Variants in SOAT1 observed in about 807,000 individuals in gnomAD.
The protein encoded by SOAT1 is sterol O-acyltransferase 1, also known as acyl-coenzyme A:cholesterol acyltransferase 1.
Under a neutral mutation model 69.5 loss-of-function variants are expected in SOAT1, and 55 were observed. That is an observed-to-expected ratio of 0.79 (90% CI 0.64 to 0.99). The LOEUF is 0.99. Ranked by LOEUF, SOAT1 falls within the 50% of genes least tolerant of loss-of-function variation. SOAT1 has a pLI of 0.00. For synonymous variants in SOAT1, 231 were observed against 224.7 expected, an observed-to-expected ratio of 1.03 and a Z score of -0.25; for missense variants, 580 against 669.3, an observed-to-expected ratio of 0.87 and a Z score of 1.47.
chr1:179,347,031 T>C (rs1666555214), intron 11 of SOAT1, among the ~76,000 whole-genome samples: 1 of 152,118 alleles, frequency 6.6e-6, no homozygotes, highest in African/African-American at 2.4e-5. Context: ...CCTTGGGTAC[T>C]AAGTTAAGCC....
At position 179,356,846 on chromosome 1, in the gene SOAT1, A is replaced by C. The variant is rs1666923769; in HGVS notation, c.*3205A>C. On this transcript the variant is annotated 3_prime_UTR_variant, in exon 16 of 16. Transcript: ENST00000367619. ...AAGTGCCTACCACCACACCCAGCTA[A>C]TTTATTTGTTTTTTTTTTTTTAGAG... 2 of 128,610 alleles carry C rather than the reference A, an allele frequency of 1.6e-5. No homozygotes were observed. The highest frequency in any genetic ancestry group is 1.6e-4 in the Admixed American group (2 of 12,390). 8.0% of individuals were successfully genotyped at this position (128,610 alleles called of 1,614,324 possible).
intron 3 of SOAT1, among the ~76,000 whole-genome samples, chr1:179,327,326 T>C (rs1665827382): frequency 6.6e-6 from 1 of 152,212 alleles, no homozygotes; most frequent in African/African-American, 2.4e-5. Context: ...ATTTGTGTCA[T>C]GTTCCTCCCA....
In SOAT1 at chr1:179,358,261, G is replaced by T. The variant is rs1666971282; in HGVS notation, c.*4620G>T. 1 of 152,090 alleles carries T rather than the reference G, an allele frequency of 6.6e-6. No homozygotes were observed. Among genetic ancestry groups the T allele is most frequent in the African/African-American group, 2.4e-5 (1 of 41,414 alleles). The allele number at this position is 152,090 out of a possible 1,614,324, so 9.4% of individuals were successfully genotyped here. ...AAGTTTAAAAAACTCTAAAACTTCT[G>T]TACTGTTTTTTTCTTAAGTGCTCTC... On this transcript the variant is annotated 3_prime_UTR_variant, in exon 16 of 16. Transcript: ENST00000367619.
Position 179,353,654 on chromosome 1 carries a change from T to C in SOAT1, c.*13T>C. 6.2e-7 allele frequency: 1 copy of C among 1,608,830 alleles called. No homozygotes were observed. Among genetic ancestry groups the C allele is most frequent in the East Asian group, 2.2e-5 (1 of 44,830 alleles). ...TTACGTGTTTTAGAAGCTTGGACTT[T>C]GTTTCCTCCTTGTCACTGAAGATTG... On this transcript the variant is annotated 3_prime_UTR_variant, in exon 16 of 16. Transcript: ENST00000367619.
intron 2 of SOAT1, among the ~76,000 whole-genome samples, chr1:179,312,296 G>A (rs1201008665): frequency 2.0e-5 from 3 of 152,146 alleles, no homozygotes; most frequent in Admixed American, 2.0e-4. Context: ...TGGAGTCGGC[G>A]TGTGGCATGG....
At position 179,339,509 on chromosome 1, in the gene SOAT1, T is replaced by A. The variant is rs1443504146; in HGVS notation, c.461T>A (p.Leu154His). 13 of 1,612,404 alleles carry A rather than the reference T, an allele frequency of 8.1e-6. No individual in the cohort carries two copies. Among genetic ancestry groups the A allele is most frequent in the Non-Finnish European group, 1.1e-5 (13 of 1,179,230 alleles). ...ATTGCCCTCCTCATTCTCTTTATCC[T>A]CAGCACACTTGTAGTAGATTACATT... ...MFIALLILFI[L>H]STLVVDYIDE... is the part of the protein sequence containing the mutation. The change falls in exon 6 of 16, where the codon CTC (leucine) becomes CAC (histidine). Residue 154 changes from leucine (L) to histidine (H), a missense_variant. Transcript: ENST00000367619.
rs773748009 is a variant in SOAT1, at chr1:179,339,501, C to T, written c.453C>T (p.Leu151=). The T allele has an allele frequency of 6.2e-7, 1 of 1,613,052 alleles. No individual in the cohort carries two copies. Among genetic ancestry groups the T allele is most frequent in the Non-Finnish European group, 8.5e-7 (1 of 1,179,530 alleles). The change falls in exon 6 of 16, where the codon CTC becomes CTT. Residue 151 remains leucine, a synonymous_variant. Transcript: ENST00000367619. ...IYHMFIALLI[L]FILSTLVVDY... ...ACATGTTTATTGCCCTCCTCATTCT[C>T]TTTATCCTCAGCACACTTGTAGTAG...
chr1:179,329,046 CAA>C (rs3046366), intron 3 of SOAT1, among the ~76,000 whole-genome samples: 4 of 130,590 alleles, frequency 3.1e-5, no homozygotes, highest in Non-Finnish European at 3.2e-5. Context: ...ACTTTGTCTT[CAA>C]AAAAAAAAAA....
intron 14 of SOAT1, 23 bp downstream of exon 14, chr1:179,350,454 A>C: frequency 6.2e-7 from 1 of 1,605,714 alleles, no homozygotes. Context: ...GTATGCTGTG[A>C]GTACTGGGTA....
At chr1:179,341,418 T>A in intron 7 of SOAT1, 108 bp downstream of exon 7, 2 of 1,130,760 alleles carry the variant, frequency 1.8e-6, no homozygotes, top group Non-Finnish European at 2.5e-6. Flanking sequence ...TTGGATAAAT[T>A]TTCATATATT....
At chr1:179,320,290 A>C (rs1665549736) in intron 2 of SOAT1, among the ~76,000 whole-genome samples, 1 of 152,160 alleles carries the variant, frequency 6.6e-6, no homozygotes, top group African/African-American at 2.4e-5. Context: ...TGAAAAGAAG[A>C]ATCTTTCCGC....
intron 2 of SOAT1, among the ~76,000 whole-genome samples, chr1:179,310,207 G>C (rs780668735): frequency 5.4e-4 from 56 of 104,486 alleles, no homozygotes; most frequent in Non-Finnish European, 1.1e-3. Flanking sequence ...GCTGCTTATA[G>C]ATATTTTTTT....
At chr1:179,323,828 C>T (rs1424906874) in intron 3 of SOAT1, among the ~76,000 whole-genome samples, 1 of 152,078 alleles carries the variant, frequency 6.6e-6, no homozygotes, top group Non-Finnish European at 1.5e-5. Context: ...AATAGCAGCT[C>T]TCCAATAAAT....
At chr1:179,309,144 T>C (rs4278336) in intron 2 of SOAT1, among the ~76,000 whole-genome samples, 75,409 of 151,988 alleles carry the variant, frequency 0.5, 19,694 homozygotes, top group East Asian at 0.84. Flanking sequence ...AGTGCAGTGG[T>C]GCGATCTTGG....
intron 2 of SOAT1, among the ~76,000 whole-genome samples, chr1:179,310,059 C>G (rs2124945708): frequency 6.6e-6 from 1 of 152,116 alleles, no homozygotes; most frequent in Non-Finnish European, 1.5e-5. Flanking sequence ...ACCACCATGT[C>G]CTGCTAATTT....
intron 1 of SOAT1, among the ~76,000 whole-genome samples, chr1:179,294,938 A>G (rs1571393984): frequency 7.2e-6 from 1 of 138,876 alleles, no homozygotes; most frequent in South Asian, 2.2e-4. Flanking sequence ...ATTCAATTTG[A>G]AGCTTTTTTT....
At chr1:179,344,839 C>A in intron 10 of SOAT1, 108 bp from the exon 11 acceptor site, 1 of 1,003,724 alleles carries the variant, frequency 1.0e-6, no homozygotes, top group Non-Finnish European at 1.5e-6. Context: ...AATACATATG[C>A]GAACATTACT....
intron 15 of SOAT1, among the ~76,000 whole-genome samples, chr1:179,352,517 C>G (rs931330311): frequency 4.7e-5 from 6 of 128,690 alleles, no homozygotes; most frequent in Non-Finnish European, 6.7e-5. Context: ...TAGAACACCC[C>G]AAATGTCCTA....
In SOAT1 at chr1:179,339,319, G is replaced by A. The variant is rs995965960; in HGVS notation, c.390-119G>A. 10 of 536,394 alleles carry A rather than the reference G, an allele frequency of 1.9e-5. No individual in the cohort carries two copies. The African/African-American group carries it at 2.0e-4, about 11-fold the overall frequency. 33.2% of individuals were successfully genotyped at this position (536,394 alleles called of 1,614,324 possible). On this transcript the variant is annotated intron_variant, in intron 5 of 15. Coordinates refer to ENST00000367619, the MANE Select transcript of SOAT1 (RefSeq NM_003101.6). ...GACCATTCTTTTTTGAGATGTTTTT[G>A]GAGAGTGGATTAAGCATCTTCTCAA...
Sources: allele counts gnomAD v4.1 joint callset (sites outside exome capture counted in the v4.1 genomes callset), GRCh38; gene constraint gnomAD v4.1.1; transcripts MANE v1.5; gene names NCBI Gene and HGNC (gene_info 2026-07-23, HGNC 2026-07-21).